Variants in DICER1 observed in about 807,000 individuals in gnomAD.
DICER1 encodes the protein endoribonuclease Dicer.
DICER1 carries 43 observed loss-of-function variants against 194.1 expected under a neutral mutation model. The observed-to-expected ratio is 0.22, with a 90% CI of 0.17 to 0.29. The LOEUF (loss-of-function observed/expected upper bound fraction) is 0.29. DICER1 is among the 10% of genes least tolerant of loss of function. The probability of loss-of-function intolerance (pLI) is 1.00; values close to 1 mark genes in which losing one functional copy is unlikely to be tolerated. For synonymous variants in DICER1, 832 were observed against 820.5 expected (o/e 1.01, Z -0.24); for missense variants, 1,608 against 2,317.0 (o/e 0.69, Z 6.28).
chr14:95,096,219 C>A lies in DICER1; in HGVS notation c.4701G>T (p.Leu1567=), dbSNP rs751598374. ...CCCCACAGCTGGTTAAATAGCAGCCCAGCAGGGCTTCCACACAGTCCGCTA... is the reference window on the plus strand; with the variant it reads ...CCCCACAGCTGGTTAAATAGCAGCCAAGCAGGGCTTCCACACAGTCCGCTA... The part of the protein sequence containing the change: ...KSIADCVEAL[L]GCYLTSCGER... The change falls in exon 23 of 27, where the codon CTG becomes CTT. Residue 1567 remains leucine, a synonymous_variant. Coordinates refer to ENST00000343455, the MANE Select transcript of DICER1 (RefSeq NM_177438.3). The A allele has an allele frequency of 6.2e-7, 1 of 1,614,222 alleles. No homozygotes were observed. Among genetic ancestry groups the A allele is most frequent in the Admixed American group, 1.7e-5 (1 of 60,032 alleles).
intron 1 of DICER1, among the ~76,000 whole-genome samples, chr14:95,134,741 C>T (rs1443275452): frequency 1.3e-5 from 2 of 152,238 alleles, no homozygotes; most frequent in Non-Finnish European, 2.9e-5. Flanking sequence ...GGGCACCCCA[C>T]TGCCGGAGCT....
rs138255423 is a variant in DICER1, at chr14:95,107,313, C to T, written c.2804+295G>A. ...GTCTCCAGGCTGGAGTGCAGTGGAG[C>T]GATCTCAGCTCACTGCAATCTCCGC... On this transcript the variant is annotated intron_variant, in intron 17 of 26. Transcript: ENST00000343455. Among the ~76,000 whole-genome samples the T allele has an allele frequency of 7.1e-4, 107 of 150,306 alleles. 1 individual carries two copies. The highest frequency in any genetic ancestry group is 2.3e-3 in the African/African-American group (95 of 40,698).
At chr14:95,121,175 G>A (rs2140169898) in intron 8 of DICER1, among the ~76,000 whole-genome samples, 1 of 152,232 alleles carries the variant, frequency 6.6e-6, no homozygotes, top group East Asian at 1.9e-4. Context: ...CTGTACTCCT[G>A]AAGACTGTCA....
Position 95,105,367 on chromosome 14 carries a change from A to C in DICER1, c.3094-121T>G. 1 of 961,662 alleles carries C rather than the reference A, an allele frequency of 1.0e-6. No homozygotes were observed. Among genetic ancestry groups the C allele is most frequent in the Non-Finnish European group, 1.6e-6 (1 of 622,152 alleles). 59.6% of individuals were successfully genotyped at this position (961,662 alleles called of 1,614,324 possible). A position where few individuals can be genotyped will look rare whatever the true frequency, so the allele number is the denominator to read the frequency against. On this transcript the variant is annotated intron_variant, in intron 19 of 26. Transcript: ENST00000343455. This position sits in a 1 kb window ranked among gnomAD's most constrained non-coding sequence, Gnocchi z 4.9. ...AAATGCTAGTAAAACTTAATTTTAA[A>C]AAATATTTGTAAAAATAATCCTCTA...
intron 1 of DICER1, among the ~76,000 whole-genome samples, chr14:95,146,499 C>G (rs1052135427): frequency 1.3e-5 from 2 of 152,212 alleles, no homozygotes; most frequent in Non-Finnish European, 2.9e-5. Flanking sequence ...GGGGAACCAC[C>G]CCCGCATCCC....
At chr14:95,120,588 A>G (rs1892858921) in intron 8 of DICER1, among the ~76,000 whole-genome samples, 1 of 152,342 alleles carries the variant, frequency 6.6e-6, no homozygotes, top group African/African-American at 2.4e-5. Flanking sequence ...TATCACAAAG[A>G]AAGTGCTCAA....
Position 95,091,500 on chromosome 14 carries a change from C to T in DICER1, c.5365-135G>A, listed in dbSNP as rs889928985. On this transcript the variant is annotated intron_variant, in intron 24 of 26. Transcript: ENST00000343455. ...GGGGGAAATACCATTTATGGTATGC[C>T]TACTATATTGTAATAGTAAAACAAA... 6 of 808,588 alleles carry T rather than the reference C, an allele frequency of 7.4e-6. No individual in the cohort carries two copies. In the African/African-American group the frequency reaches 1.0e-4, roughly 14 times the overall value. The allele number at this position is 808,588 out of a possible 1,614,324, so 50.1% of individuals were successfully genotyped here. A position where few individuals can be genotyped will look rare whatever the true frequency, so the allele number is the denominator to read the frequency against.
intron 13 of DICER1, among the ~76,000 whole-genome samples, chr14:95,111,796 G>T (rs1891988928): frequency 6.6e-6 from 1 of 151,256 alleles, no homozygotes. Flanking sequence ...AAAAGAAACT[G>T]AGTTCATTTT....
In DICER1 at chr14:95,103,597, T is replaced by C. The variant is rs953855540; in HGVS notation, c.3799A>G (p.Thr1267Ala). Residue 1267 changes from threonine (T) to alanine (A), a missense_variant, in exon 21 of 27, where the codon ACT (threonine) becomes GCT (alanine). Thr to Ala is a moderately conservative substitution (Grantham distance 58, BLOSUM62 0). Coordinates refer to ENST00000343455, the MANE Select transcript of DICER1 (RefSeq NM_177438.3). ...ATCCTGCCCTTGAGCACTTGAATAG[T>C]GTCTGTCGTACCAGGCATTACGGCC... ...VMAVMPGTTD[T>A]IQVLKGRMDS... 2 of 1,614,214 alleles carry C rather than the reference T, an allele frequency of 1.2e-6. No individual in the cohort carries two copies. The highest frequency in any genetic ancestry group is 1.7e-6 in the Non-Finnish European group (2 of 1,180,032).
intron 7 of DICER1, among the ~76,000 whole-genome samples, chr14:95,125,523 A>G (rs1239867370): frequency 2.8e-5 from 3 of 107,956 alleles, no homozygotes; most frequent in Non-Finnish European, 5.5e-5. Context: ...GCAGAGAGGC[A>G]GAGAGGGAGA....
intron 24 of DICER1, among the ~76,000 whole-genome samples, chr14:95,092,094 T>C (rs577268719): frequency 6.6e-6 from 1 of 152,248 alleles, no homozygotes; most frequent in East Asian, 1.9e-4. Flanking sequence ...AAAAACTACT[T>C]AATTACTCGG....
intron 3 of DICER1, 37 bp downstream of exon 3, chr14:95,132,478 T>A (rs754968108): frequency 1.9e-5 from 31 of 1,606,468 alleles, no homozygotes; most frequent in Non-Finnish European, 2.6e-5. Flanking sequence ...CCCATCCAAT[T>A]TCCCCTGCAC....
intron 6 of DICER1, among the ~76,000 whole-genome samples, chr14:95,127,941 G>C (rs1893622581): frequency 6.6e-6 from 1 of 152,194 alleles, no homozygotes; most frequent in African/African-American, 2.4e-5. Context: ...AAAGAAGAAT[G>C]GGAAGACTGA....
chr14:95,121,796 A>G (rs1056019860), intron 8 of DICER1, among the ~76,000 whole-genome samples: 29 of 152,214 alleles, frequency 1.9e-4, no homozygotes, highest in African/African-American at 4.6e-4. Flanking sequence ...TTAAATATAT[A>G]TAACTTAGAA....
At chr14:95,149,357 T>C (rs562602170) in intron 1 of DICER1, among the ~76,000 whole-genome samples, 3 of 152,336 alleles carry the variant, frequency 2.0e-5, no homozygotes, top group East Asian at 3.9e-4. Flanking sequence ...TACATCATCA[T>C]AGCTTCTGCG....
At chr14:95,112,721 C>T (rs996510983) in intron 12 of DICER1, among the ~76,000 whole-genome samples, 11 of 152,096 alleles carry the variant, frequency 7.2e-5, no homozygotes, top group African/African-American at 2.4e-4. Context: ...GACAACGCAA[C>T]GATCTATAAT....
At chr14:95,118,959 T>G (rs746687824) in intron 8 of DICER1, among the ~76,000 whole-genome samples, 1 of 152,180 alleles carries the variant, frequency 6.6e-6, no homozygotes, top group Non-Finnish European at 1.5e-5. Flanking sequence ...GTTCACGTAC[T>G]TAAATATTCA....
At chr14:95,095,750 T>C in intron 23 of DICER1, 75 bp downstream of exon 23, 1 of 1,523,894 alleles carries the variant, frequency 6.6e-7, no homozygotes, top group South Asian at 1.1e-5. Context: ...TAGATCACTT[T>C]TACAAGGCCA....
chr14:95,150,032 C>T (rs1038396873), intron 1 of DICER1, among the ~76,000 whole-genome samples: 1 of 152,228 alleles, frequency 6.6e-6, no homozygotes, highest in East Asian at 1.9e-4. Flanking sequence ...TAACTTCCAA[C>T]CACTACAAAA....
Sources: gnomAD v4.1 joint callset for allele counts (sites outside exome capture counted in the v4.1 genomes callset) on GRCh38, gnomAD v4.1.1 for gene constraint, Gnocchi (gnomAD v3.1) non-coding constraint, MANE v1.5 for transcripts, NCBI Gene and HGNC (gene_info 2026-07-23, HGNC 2026-07-21) for gene names.